Variants in NAV2 observed in about 807,000 individuals in gnomAD.
The protein encoded by NAV2 is neuron navigator 2.
A neutral mutation model predicts 223.2 loss-of-function variants in NAV2; 54 were observed. The observed-to-expected ratio is 0.24, with a 90% CI of 0.19 to 0.30. NAV2 has a LOEUF of 0.30. NAV2 is among the 10% of genes least tolerant of loss of function. The probability of loss-of-function intolerance (pLI) is 1.00; values close to 1 mark genes in which losing one functional copy is unlikely to be tolerated. For missense variants in NAV2, 2,806 were observed against 3,147.5 expected, an observed-to-expected ratio of 0.89 and a Z score of 2.60; for synonymous variants, 1,279 against 1,239.3, an observed-to-expected ratio of 1.03 and a Z score of -0.67.
chr11:19,823,187 G>A (rs2059469302), intron 1 of NAV2, among the ~76,000 whole-genome samples: 1 of 152,078 alleles, frequency 6.6e-6, no homozygotes, highest in Non-Finnish European at 1.5e-5. Context: ...TGGAACCACA[G>A]GCACATGCTA....
chr11:19,783,105 A>G (rs933167591), intron 1 of NAV2, among the ~76,000 whole-genome samples: 11 of 152,196 alleles, frequency 7.2e-5, no homozygotes, highest in Non-Finnish European at 1.6e-4. Flanking sequence ...CAGCTCCAGT[A>G]TGTTTACTGG....
intron 1 of NAV2, among the ~76,000 whole-genome samples, chr11:19,433,083 G>C (rs1851092212): frequency 6.6e-6 from 1 of 152,176 alleles, no homozygotes. Flanking sequence ...CTGTATAGAG[G>C]ACTTTGGGGC....
intron 1 of NAV2, among the ~76,000 whole-genome samples, chr11:19,823,073 G>T (rs945995004): frequency 6.6e-6 from 1 of 152,098 alleles, no homozygotes. Flanking sequence ...TTTGAGACAG[G>T]GTCTCGCTCT....
intron 1 of NAV2, among the ~76,000 whole-genome samples, chr11:19,357,767 C>T (rs1232003387): frequency 6.6e-6 from 1 of 152,190 alleles, no homozygotes; most frequent in Non-Finnish European, 1.5e-5. Flanking sequence ...CAAAATCTTC[C>T]TTTATGTAGC....
At chr11:19,971,936 C>T (rs1440153103) in intron 10 of NAV2, among the ~76,000 whole-genome samples, 1 of 152,192 alleles carries the variant, frequency 6.6e-6, no homozygotes, top group African/African-American at 2.4e-5. Context: ...CTCCTGACCT[C>T]AGGTGATCCA....
At chr11:19,882,296 AG>A (rs1256074782) in intron 5 of NAV2, among the ~76,000 whole-genome samples, 2 of 152,210 alleles carry the variant, frequency 1.3e-5, no homozygotes, top group Non-Finnish European at 2.9e-5. Flanking sequence ...TAGGGGGTTG[AG>A]CCAAGAGGCC....
chr11:19,547,447 A>AT lies in NAV2; in HGVS notation c.75+196426dup, dbSNP rs1249815669. Reference sequence around the variant, plus strand: ...ACTCTGGATCACCTCATTGAAGCTGATTTTTTCCCTTTCTTCCCTTTCCCA... The same window carrying AT: ...ACTCTGGATCACCTCATTGAAGCTGATTTTTTTCCCTTTCTTCCCTTTCCCA... On this transcript the variant is annotated intron_variant, in intron 1 of 37. Transcript: ENST00000360655. Among the ~76,000 whole-genome samples the AT allele has an allele frequency of 4.6e-5, 7 of 151,988 alleles. No individual in the cohort carries two copies. In the South Asian group the frequency reaches 1.0e-3, roughly 23 times the overall value.
rs558849922 is a variant in NAV2 at position 19,584,657 on chromosome 11, A to G, written c.75+233630A>G. 3.5e-3 allele frequency among the ~76,000 whole-genome samples: 536 copies of G among 152,318 alleles called. 1 individual carries two copies. The highest frequency in any genetic ancestry group is 0.011 in the South Asian group (55 of 4,828). On this transcript the variant is annotated intron_variant, in intron 1 of 37. Transcript: ENST00000360655. The stretch of plus-strand genomic sequence containing the variant: ...ATGTACCCAGTAGTCGTTCAGGAGC[A>G]GGTTGTTCAGTTTCCATGTAGTTGA...
At chr11:19,357,582 C>T (rs1215936897) in intron 1 of NAV2, among the ~76,000 whole-genome samples, 1 of 152,012 alleles carries the variant, frequency 6.6e-6, no homozygotes, top group Non-Finnish European at 1.5e-5. Flanking sequence ...CTGTAAGAGG[C>T]CTATTGGAGG....
chr11:19,848,983 G>C (rs573209307), intron 3 of NAV2, among the ~76,000 whole-genome samples: 2 of 152,298 alleles, frequency 1.3e-5, no homozygotes, highest in Non-Finnish European at 2.9e-5. Context: ...CCTTCTGTGA[G>C]AAATGTGGAA....
Position 20,092,317 on chromosome 11 carries a change from T to C in NAV2, c.5764T>C (p.Ser1922Pro). Residue 1922 changes from serine (S) to proline (P), a missense_variant, in exon 28 of 38, where the codon TCC becomes CCC. Physicochemically the swap from Ser to Pro is moderately conservative, Grantham distance 74 (BLOSUM62 -1). Around this residue, in one of 4 missense-constraint regions of NAV2, gnomAD observed 824 missense variants for 1,069.4 expected, o/e 0.77. Transcript: ENST00000349880. ...QVSISASPRQ[S>P]MGLSQHSLNL... is the part of the protein sequence containing the mutation. Reference sequence around the variant, plus strand: ...GTCCATCTCTGCCTCCCCGAGGCAGTCCATGGGCCTCTCCCAGCACAGCTT... The same window carrying C: ...GTCCATCTCTGCCTCCCCGAGGCAGCCCATGGGCCTCTCCCAGCACAGCTT... The C allele has an allele frequency of 6.2e-7, 1 of 1,614,090 alleles. No homozygotes were observed.
At chr11:19,524,421 G>A (rs372282144) in intron 1 of NAV2, among the ~76,000 whole-genome samples, 4 of 152,194 alleles carry the variant, frequency 2.6e-5, no homozygotes, top group African/African-American at 7.2e-5. Flanking sequence ...CGTGCCTCCA[G>A]TTCAAACCTT....
chr11:19,857,707 G>C (rs2061478263), intron 3 of NAV2, among the ~76,000 whole-genome samples: 2 of 151,740 alleles, frequency 1.3e-5, no homozygotes, highest in South Asian at 4.2e-4. Flanking sequence ...TCTTCTGTGG[G>C]TAAAACCAAT....
At chr11:19,500,648 T>C (rs79739322) in intron 1 of NAV2, among the ~76,000 whole-genome samples, 63 of 152,340 alleles carry the variant, frequency 4.1e-4, no homozygotes, top group African/African-American at 1.5e-3. Context: ...GGGCTATCCC[T>C]TGAACAGAGT....
intron 1 of NAV2, among the ~76,000 whole-genome samples, chr11:19,804,775 A>G (rs1376990794): frequency 2.0e-5 from 3 of 152,220 alleles, no homozygotes; most frequent in Admixed American, 2.0e-4. Context: ...TAACATGTGA[A>G]ATAGGGGATA....
At position 20,120,269 on chromosome 11, in the gene NAV2, CTT is replaced by C. The variant is rs1363808932; in HGVS notation, c.*2014_*2015del. 1 of 152,308 alleles carries C rather than the reference CTT, an allele frequency of 6.6e-6. No individual in the cohort carries two copies. Among genetic ancestry groups the C allele is most frequent in the South Asian group, 2.1e-4 (1 of 4,822 alleles). The allele number at this position is 152,308 out of a possible 1,614,324, so 9.4% of individuals were successfully genotyped here. Reference sequence around the variant, plus strand: ...ATGTGTCCCACTAGTGAAAGGAAAACTTTTCAACACTATCCCTGCTTTAGTCT... The same window carrying C: ...ATGTGTCCCACTAGTGAAAGGAAAACTTCAACACTATCCCTGCTTTAGTCT... On this transcript the variant is annotated 3_prime_UTR_variant, in exon 38 of 38. Transcript: ENST00000349880.
At chr11:19,984,954 A>G (rs907283013) in intron 11 of NAV2, among the ~76,000 whole-genome samples, 7 of 152,178 alleles carry the variant, frequency 4.6e-5, no homozygotes, top group Admixed American at 3.3e-4. Context: ...CTAATGTTCT[A>G]TAATTCTGGA....
intron 1 of NAV2, among the ~76,000 whole-genome samples, chr11:19,351,482 G>T (rs1853308966): frequency 1.3e-5 from 2 of 152,050 alleles, no homozygotes; most frequent in South Asian, 4.1e-4. Context: ...TGCACTCTTT[G>T]GCCCTATCTG....
intron 27 of NAV2, among the ~76,000 whole-genome samples, chr11:20,091,630 A>C: frequency 6.6e-6 from 1 of 152,292 alleles, no homozygotes; most frequent in East Asian, 1.9e-4. Context: ...TTCTGTGGAC[A>C]TAGCACCAAT....
Sources: gnomAD v4.1 joint callset for allele counts (sites outside exome capture counted in the v4.1 genomes callset) on GRCh38, gnomAD v4.1.1 for gene constraint, gnomAD v4.1.1 regional missense constraint, MANE v1.5 for transcripts, NCBI Gene and HGNC (gene_info 2026-07-23, HGNC 2026-07-21) for gene names.